The following CCDC30 variants were observed in gnomAD, a reference collection of about 807,000 sequenced individuals.
CCDC30 encodes the protein coiled-coil domain containing 30.
CCDC30 carries 70 observed loss-of-function variants against 100.2 expected under a neutral mutation model. That is an observed-to-expected ratio of 0.70 (90% CI 0.58 to 0.85). The LOEUF (loss-of-function observed/expected upper bound fraction) is 0.85, where lower values mean the gene tolerates loss of function less well. Among genes scored for constraint, CCDC30 ranks in the 40% least tolerant of loss-of-function variants. The pLI, the probability that CCDC30 is intolerant of heterozygous loss-of-function variation, is 0.00. For synonymous variants in CCDC30, 233 were observed against 269.5 expected, an observed-to-expected ratio of 0.86 and a Z score of 1.33; for missense variants, 652 against 771.2, an observed-to-expected ratio of 0.85 and a Z score of 1.83.
chr1:42,480,624 C>T (rs1643941909), intron 2 of CCDC30, 58 bp downstream of exon 2: 4 of 984,854 alleles, frequency 4.1e-6, no homozygotes, highest in Non-Finnish European at 4.8e-6. Flanking sequence ...GATTTATGTA[C>T]GTTTCATTTA....
chr1:42,465,291 A>G (rs1228557520), intron 1 of CCDC30, among the ~76,000 whole-genome samples: 1 of 152,200 alleles, frequency 6.6e-6, no homozygotes, highest in Non-Finnish European at 1.5e-5. Flanking sequence ...AACCTGGGCT[A>G]CAGAGTGAGA....
At chr1:42,496,367 A>C (rs1644232537) in intron 4 of CCDC30, among the ~76,000 whole-genome samples, 1 of 152,132 alleles carries the variant, frequency 6.6e-6, no homozygotes, top group Non-Finnish European at 1.5e-5. Flanking sequence ...TGTTCTCTAG[A>C]ACTCTACTTC....
intron 10 of CCDC30, among the ~76,000 whole-genome samples, chr1:42,608,424 G>A (rs1202682554): frequency 6.6e-6 from 1 of 152,292 alleles, no homozygotes; most frequent in African/African-American, 2.4e-5. Flanking sequence ...AAGTCTGGCC[G>A]GGCACTGTGG....
At chr1:42,533,247 A>G (rs1023514817) in intron 6 of CCDC30, among the ~76,000 whole-genome samples, 48 of 152,062 alleles carry the variant, frequency 3.2e-4, no homozygotes, top group African/African-American at 1.0e-3. Flanking sequence ...TCAGTTTTTT[A>G]AAAAATAAGG....
chr1:42,613,987 A>G (rs1313337740), intron 11 of CCDC30, among the ~76,000 whole-genome samples: 1 of 152,046 alleles, frequency 6.6e-6, no homozygotes, highest in Non-Finnish European at 1.5e-5. Context: ...TTCTGCCTTC[A>G]TTATATAAGA....
intron 6 of CCDC30, among the ~76,000 whole-genome samples, chr1:42,524,141 A>G (rs534985231): frequency 6.7e-6 from 1 of 148,812 alleles, no homozygotes; most frequent in Non-Finnish European, 1.5e-5. Context: ...CCACACCTTC[A>G]TGTTTCTTTG....
intron 1 of CCDC30, among the ~76,000 whole-genome samples, chr1:42,467,129 G>A (rs968421229): frequency 1.3e-5 from 2 of 152,144 alleles, no homozygotes; most frequent in Non-Finnish European, 2.9e-5. Flanking sequence ...GTCAAGGTGC[G>A]GCAGAAGACA....
intron 6 of CCDC30, among the ~76,000 whole-genome samples, chr1:42,549,445 T>C (rs1645206276): frequency 6.6e-6 from 1 of 152,006 alleles, no homozygotes; most frequent in African/African-American, 2.4e-5. Context: ...CTACTTTATC[T>C]GCTTTGGAGA....
At chr1:42,600,493 A>G (rs1646382668) in intron 10 of CCDC30, among the ~76,000 whole-genome samples, 1 of 152,196 alleles carries the variant, frequency 6.6e-6, no homozygotes, top group African/African-American at 2.4e-5. Flanking sequence ...ACAGCAGATT[A>G]CACATTCTTC....
intron 3 of CCDC30, among the ~76,000 whole-genome samples, chr1:42,489,666 C>A (rs1015125225): frequency 1.3e-5 from 2 of 152,148 alleles, no homozygotes; most frequent in Admixed American, 1.3e-4. Flanking sequence ...AATAGTCTTC[C>A]TAAATATCAC....
At chr1:42,517,522 T>C (rs1236313911) in intron 6 of CCDC30, among the ~76,000 whole-genome samples, 1 of 152,206 alleles carries the variant, frequency 6.6e-6, no homozygotes, top group African/African-American at 2.4e-5. Context: ...TCCCCCTAAG[T>C]TTTCTGCAAA....
At chr1:42,460,182 A>T, upstream of CCDC30, 1 of 1,176,976 alleles carries the variant, frequency 8.5e-7, no homozygotes, top group Non-Finnish European at 1.1e-6. Flanking sequence ...ATTCCTTAAA[A>T]TATACATGGG....
At chr1:42,527,757 T>G (rs1214404962) in intron 6 of CCDC30, among the ~76,000 whole-genome samples, 1 of 152,178 alleles carries the variant, frequency 6.6e-6, no homozygotes, top group African/African-American at 2.4e-5. Context: ...TTAATGATGT[T>G]GAGTATTGCT....
chr1:42,619,491 T>A (rs939299367), intron 11 of CCDC30, among the ~76,000 whole-genome samples: 1 of 152,068 alleles, frequency 6.6e-6, no homozygotes. Context: ...ATTACCCCAG[T>A]CTCCAATGAG....
At chr1:42,469,637 G>A (rs1306614215) in intron 1 of CCDC30, among the ~76,000 whole-genome samples, 3 of 152,168 alleles carry the variant, frequency 2.0e-5, no homozygotes, top group Admixed American at 2.0e-4. Context: ...TATGGGATGG[G>A]GCCTAGAATA....
rs183030447 is a variant in CCDC30 at position 42,574,788 on chromosome 1, T to C, written c.637-2232T>C. ...ATACCAATCCCAGCCACTTCATAGA[T>C]GTGAAAGCCTAACAAATGTAAAGTA... On this transcript the variant is annotated intron_variant, in intron 7 of 16. Transcript: ENST00000668663. 3.2e-3 allele frequency among the ~76,000 whole-genome samples: 491 copies of C among 152,316 alleles called. 3 individuals carry two copies. Among genetic ancestry groups the C allele is most frequent in the Non-Finnish European group, 6.2e-3 (424 of 67,998 alleles).
chr1:42,491,502 T>C (rs1644140570), intron 4 of CCDC30, among the ~76,000 whole-genome samples: 1 of 114,370 alleles, frequency 8.7e-6, no homozygotes, highest in South Asian at 2.6e-4. Context: ...GAATGGTTAA[T>C]GGGTAAAAAA....
chr1:42,616,842 T>C (rs1646735829), intron 11 of CCDC30, among the ~76,000 whole-genome samples: 1 of 152,172 alleles, frequency 6.6e-6, no homozygotes, highest in Non-Finnish European at 1.5e-5. Flanking sequence ...TTCCAAACCG[T>C]GTGTAACATT....
At position 42,577,020 on chromosome 1, in the gene CCDC30, A is replaced by G. The variant is rs1485845534; in HGVS notation, c.637A>G (p.Ile213Val). The G allele has an allele frequency of 4.4e-6, 7 of 1,602,554 alleles. No individual in the cohort carries two copies. The highest frequency in any genetic ancestry group is 2.7e-5 in the African/African-American group (2 of 74,644). The change falls in exon 8 of 17, where the codon ATA becomes GTA. Residue 213 changes from isoleucine to valine, a missense_variant and splice_region_variant. Coordinates refer to ENST00000668663, the Ensembl canonical transcript of CCDC30. ...ACTCTTACTTATTCTCTACCTCTAGATAAAGATTGAACTAAAGCATGCCCA... is the reference window on the plus strand; with the variant it reads ...ACTCTTACTTATTCTCTACCTCTAGGTAAAGATTGAACTAAAGCATGCCCA...
Sources: gnomAD v4.1 joint callset for allele counts (sites outside exome capture counted in the v4.1 genomes callset) on GRCh38, gnomAD v4.1.1 for gene constraint, MANE v1.5 for transcripts, NCBI Gene and HGNC (gene_info 2026-07-23, HGNC 2026-07-21) for gene names.